Variants in JAG1 observed in about 807,000 individuals in gnomAD.
The protein encoded by JAG1 is jagged canonical Notch ligand 1, also known as protein jagged-1.
JAG1 carries 23 observed loss-of-function variants against 148.7 expected under a neutral mutation model. The ratio of observed to expected loss-of-function variants is 0.15; its 90% confidence interval spans 0.11 to 0.22. JAG1 has a LOEUF of 0.22. Among genes scored for constraint, JAG1 ranks in the 10% least tolerant of loss-of-function variants. The pLI is 1.00. For missense variants in JAG1, 1,054 were observed against 1,611.2 expected, an observed-to-expected ratio of 0.65 and a Z score of 5.92; for synonymous variants, 572 against 598.3, an observed-to-expected ratio of 0.96 and a Z score of 0.64.
Position 10,673,113 on chromosome 20 carries a change from G to T in JAG1, c.82-107C>A, listed in dbSNP as rs2067509494. The T allele has an allele frequency of 3.6e-5, 38 of 1,050,680 alleles. 2 individuals carry two copies. The South Asian group carries it at 5.0e-4, about 14-fold the overall frequency. 65.1% of individuals were successfully genotyped at this position (1,050,680 alleles called of 1,614,324 possible). A position where few individuals can be genotyped will look rare whatever the true frequency, so the allele number is the denominator to read the frequency against. On this transcript the variant is annotated intron_variant, in intron 1 of 25. Coordinates refer to ENST00000254958, the MANE Select transcript of JAG1 (RefSeq NM_000214.3). This position sits in a 1 kb window ranked among gnomAD's most constrained non-coding sequence, Gnocchi z 4.7. ...CCCGCCCCGACGAGCCCTCCTCGCC[G>T]AGTGAAAATAATTTTGCGAAACTAC...
intron 2 of JAG1, among the ~76,000 whole-genome samples, chr20:10,669,547 C>CCAAAAAAAAAA (rs2067480718): frequency 2.3e-5 from 1 of 44,198 alleles, no homozygotes; most frequent in African/African-American, 8.7e-5. Flanking sequence ...TTGGATTTTC[C>CCAAAAAAAAAA]AAAAAAAAAA....
At chr20:10,650,789 AG>A in intron 8 of JAG1, 2 of 238,292 alleles carry the variant, frequency 8.4e-6, no homozygotes, top group South Asian at 5.9e-5. Flanking sequence ...GCACACCTAG[AG>A]GCTGCATTCT....
rs537795369 is a variant in JAG1, at chr20:10,639,434, C to T, written c.*64G>A. ...GCAACGGCCTCAGACTCGAGTATGA[C>T]ACGACAGTTTAAAGAACTACAAGCC... On this transcript the variant is annotated 3_prime_UTR_variant, in exon 26 of 26. Transcript: ENST00000254958. The T allele has an allele frequency of 7.1e-7, 1 of 1,412,020 alleles. No homozygotes were observed. Among genetic ancestry groups the T allele is most frequent in the South Asian group, 1.2e-5 (1 of 86,728 alleles). 87.5% of individuals were successfully genotyped at this position (1,412,020 alleles called of 1,614,324 possible). A position where few individuals can be genotyped will look rare whatever the true frequency, so the allele number is the denominator to read the frequency against.
intron 5 of JAG1, among the ~76,000 whole-genome samples, chr20:10,654,034 G>A (rs1205604609): frequency 1.3e-5 from 2 of 152,198 alleles, no homozygotes; most frequent in Non-Finnish European, 2.9e-5. Flanking sequence ...TCTCAAAAGC[G>A]GACACCCACG....
chr20:10,645,638 C>G lies in JAG1; in HGVS notation c.2000-169G>C. On this transcript the variant is annotated intron_variant, in intron 15 of 25. Coordinates refer to ENST00000254958, the MANE Select transcript of JAG1 (RefSeq NM_000214.3). The surrounding 1 kb of genome is among the most constrained non-coding windows in gnomAD (Gnocchi z 6.1). Reference sequence around the variant, plus strand: ...TTTCCAGGAATAAAGGAGCTCCCAACTGGGTTACTTTGAATGCCACAAGTT... The same window carrying G: ...TTTCCAGGAATAAAGGAGCTCCCAAGTGGGTTACTTTGAATGCCACAAGTT... 1 of 689,256 alleles carries G rather than the reference C, an allele frequency of 1.5e-6. No homozygotes were observed. The highest frequency in any genetic ancestry group is 2.6e-6 in the Non-Finnish European group (1 of 387,940). 42.7% of individuals were successfully genotyped at this position (689,256 alleles called of 1,614,324 possible). A position where few individuals can be genotyped will look rare whatever the true frequency, so the allele number is the denominator to read the frequency against.
At position 10,658,413 on chromosome 20, in the gene JAG1, T is replaced by C. The variant is rs60171534; in HGVS notation, c.694+55A>G. On this transcript the variant is annotated intron_variant, in intron 4 of 25. Transcript: ENST00000254958. The stretch of plus-strand genomic sequence containing the variant: ...TGCCACCTGCCTGCTGGTGGGGTGA[T>C]AAATGGACACTAAAAGCAACAGGCA... 2,582 of 1,607,690 alleles carry C rather than the reference T, an allele frequency of 1.6e-3. 39 individuals carry two copies. The African/African-American group carries it at 0.031, about 19-fold the overall frequency.
At position 10,672,429 on chromosome 20, in the gene JAG1, G is replaced by A. The variant is rs112417627; in HGVS notation, c.387+272C>T. 2.2e-3 allele frequency among the ~76,000 whole-genome samples: 334 copies of A among 152,238 alleles called. 2 individuals are homozygous for A. Among genetic ancestry groups the A allele is most frequent in the African/African-American group, 7.5e-3 (312 of 41,552 alleles). On this transcript the variant is annotated intron_variant, in intron 2 of 25. Transcript: ENST00000254958. ...GAACTTCAAGTTGCAAGTTTACACC[G>A]GCCTTCCTAGGAGCCTGGTCCCATA...
At position 10,645,932 on chromosome 20, in the gene JAG1, C is replaced by T. The variant is rs770661027; in HGVS notation, c.1999+39G>A. ...TGAAGTGGGATCCCTCCAACATGACCCATACATCCCAGAGCTCCCCAAAGA... is the reference window on the plus strand; with the variant it reads ...TGAAGTGGGATCCCTCCAACATGACTCATACATCCCAGAGCTCCCCAAAGA... On this transcript the variant is annotated intron_variant, in intron 15 of 25. Transcript: ENST00000254958. This position sits in a 1 kb window ranked among gnomAD's most constrained non-coding sequence, Gnocchi z 6.1. 3 of 1,345,518 alleles carry T rather than the reference C, an allele frequency of 2.2e-6. No individual in the cohort carries two copies. The highest frequency in any genetic ancestry group is 1.2e-5 in the South Asian group (1 of 85,712). 83.3% of individuals were successfully genotyped at this position (1,345,518 alleles called of 1,614,324 possible). A position where few individuals can be genotyped will look rare whatever the true frequency, so the allele number is the denominator to read the frequency against.
intron 2 of JAG1, among the ~76,000 whole-genome samples, chr20:10,672,286 G>A (rs765925048): frequency 9.9e-5 from 15 of 152,184 alleles, no homozygotes; most frequent in African/African-American, 2.7e-4. Context: ...CAATTTGGAC[G>A]GCGTTCGCAG....
At chr20:10,651,749 C>T in intron 7 of JAG1, 55 bp from the exon 8 acceptor site, 2 of 1,120,396 alleles carry the variant, frequency 1.8e-6, no homozygotes, top group Admixed American at 1.9e-5. Flanking sequence ...GTTACCTCCC[C>T]ACACCCCCCT....
intron 2 of JAG1, among the ~76,000 whole-genome samples, chr20:10,664,874 C>A (rs966426994): frequency 2.6e-5 from 4 of 152,178 alleles, no homozygotes; most frequent in Non-Finnish European, 5.9e-5. Context: ...AATTCCACCT[C>A]CCCACCCCCA....
chr20:10,651,808 C>A, intron 7 of JAG1, 114 bp from the exon 8 acceptor site: 1 of 752,452 alleles, frequency 1.3e-6, no homozygotes, highest in Non-Finnish European at 2.3e-6. Flanking sequence ...ATTTCAAAAA[C>A]CAAAAGCAAG....
At position 10,647,087 on chromosome 20, in the gene JAG1, T is replaced by C. The variant is rs750987361; in HGVS notation, c.1737A>G (p.Thr579=). Residue 579 remains threonine, a synonymous_variant, in exon 14 of 26, where the codon ACA becomes ACG. Transcript: ENST00000254958. ...GTGTGTCGTTGGAAGCCATGGCCAC[T>C]GTGCAGCTGTCAATCACTAGAAGAT... The part of the protein sequence containing the change: ...TTPCEVIDSC[T]VAMASNDTPE... The C allele has an allele frequency of 1.2e-6, 2 of 1,614,220 alleles. No homozygotes were observed. The highest frequency in any genetic ancestry group is 1.7e-6 in the Non-Finnish European group (2 of 1,180,028).
chr20:10,639,594 G>C lies in JAG1; in HGVS notation c.3561C>G (p.Asn1187Lys), dbSNP rs754010868. The change falls in exon 26 of 26, where the codon AAC (asparagine) becomes AAG (lysine). Residue 1187 changes from asparagine to lysine, a missense_variant. Physicochemically the swap from Asn to Lys is moderately conservative, Grantham distance 94 (BLOSUM62 0). Transcript: ENST00000254958. ...TLVDREEKPP[N>K]GTPTKHPNWT... ...AGTTTGGGTGTTTTGTCGGCGTGCC[G>C]TTGGGGGGCTTCTCTTCTCTGTCTA... 1 of 1,614,082 alleles carries C rather than the reference G, an allele frequency of 6.2e-7. No individual in the cohort carries two copies. Among genetic ancestry groups the C allele is most frequent in the Non-Finnish European group, 8.5e-7 (1 of 1,180,040 alleles).
At chr20:10,652,434 A>C in intron 6 of JAG1, 34 bp downstream of exon 6, 1 of 1,613,104 alleles carries the variant, frequency 6.2e-7, no homozygotes, top group Non-Finnish European at 8.5e-7. Flanking sequence ...CCACCCCCAG[A>C]TCCCACCCTG....
chr20:10,644,957 G>C lies in JAG1; in HGVS notation c.2250C>G (p.Pro750=). The change falls in exon 18 of 26, where the codon CCC becomes CCG. Residue 750 remains proline, a synonymous_variant. Transcript: ENST00000254958. ...CNIARNSSCL[P]NPCHNGGTCV... is the part of the protein sequence containing the mutation. ...ATGTGCCCCCATTATGGCAGGGGTT[G>C]GGCAGGCAGCTACTGTTTCGGGCTA... The C allele has an allele frequency of 6.2e-7, 1 of 1,613,016 alleles. No homozygotes were observed.
At chr20:10,647,189 T>A in intron 13 of JAG1, 86 bp from the exon 14 acceptor site, 5 of 1,519,440 alleles carry the variant, frequency 3.3e-6, no homozygotes, top group Non-Finnish European at 4.6e-6. Context: ...AAGCCCACTT[T>A]CCTGGAGACA....
intron 3 of JAG1, among the ~76,000 whole-genome samples, chr20:10,660,035 A>G (rs2067405557): frequency 6.6e-6 from 1 of 152,248 alleles, no homozygotes; most frequent in South Asian, 2.1e-4. Context: ...ATTCAAGACC[A>G]TCTTGGAGAG....
At chr20:10,664,405 CACACACAA>C (rs1232051980) in intron 2 of JAG1, among the ~76,000 whole-genome samples, 1 of 148,508 alleles carries the variant, frequency 6.7e-6, no homozygotes, top group African/African-American at 2.6e-5. Flanking sequence ...CACACACACA[CACACACAA>C]AGAATTTATT....
Sources: allele counts gnomAD v4.1 joint callset (sites outside exome capture counted in the v4.1 genomes callset), GRCh38; gene constraint gnomAD v4.1.1; non-coding constraint Gnocchi (gnomAD v3.1); transcripts MANE v1.5; gene names NCBI Gene and HGNC (gene_info 2026-07-23, HGNC 2026-07-21).